SIRPA: variants seen among roughly 807,000 people sequenced by gnomAD.
SIRPA encodes tyrosine-protein phosphatase non-receptor type substrate 1.
Under a neutral mutation model 50.3 loss-of-function variants are expected in SIRPA, and 9 were observed. The ratio of observed to expected loss-of-function variants is 0.18; its 90% confidence interval spans 0.11 to 0.31. SIRPA has a LOEUF of 0.31. Among genes scored for constraint, SIRPA ranks in the 10% least tolerant of loss-of-function variants. SIRPA has a pLI of 1.00. For synonymous variants in SIRPA, 265 were observed against 284.1 expected, an observed-to-expected ratio of 0.93 and a Z score of 0.68; for missense variants, 474 against 661.6, an observed-to-expected ratio of 0.72 and a Z score of 3.11.
intron 1 of SIRPA, among the ~76,000 whole-genome samples, chr20:1,908,804 A>G (rs1162795058): frequency 6.6e-6 from 1 of 152,168 alleles, no homozygotes; most frequent in Non-Finnish European, 1.5e-5. Flanking sequence ...CCTGTACTAT[A>G]TCCTGTGTAC....
intron 1 of SIRPA, among the ~76,000 whole-genome samples, chr20:1,900,343 A>G (rs1416856326): frequency 6.6e-6 from 1 of 151,744 alleles, no homozygotes; most frequent in Non-Finnish European, 1.5e-5. Context: ...CAGGTGATCC[A>G]CCTCCCAAAG....
At chr20:1,913,217 C>T (rs954617062) in intron 1 of SIRPA, among the ~76,000 whole-genome samples, 8 of 152,220 alleles carry the variant, frequency 5.3e-5, no homozygotes, top group Non-Finnish European at 1.0e-4. Context: ...CTTAGGCACT[C>T]TGAGACTCCA....
chr20:1,909,759 G>A (rs1400358456), intron 1 of SIRPA, among the ~76,000 whole-genome samples: 1 of 152,188 alleles, frequency 6.6e-6, no homozygotes. Flanking sequence ...TCCAGCCTGG[G>A]TGATGAGAGT....
At chr20:1,919,382 G>A (rs181505447) in intron 2 of SIRPA, among the ~76,000 whole-genome samples, 14 of 152,168 alleles carry the variant, frequency 9.2e-5, no homozygotes, top group African/African-American at 3.4e-4. Flanking sequence ...TGGAAAAGAT[G>A]GTCCTCTTGG....
chr20:1,899,009 G>A (rs894020602), intron 1 of SIRPA, among the ~76,000 whole-genome samples: 3 of 151,928 alleles, frequency 2.0e-5, no homozygotes, highest in Non-Finnish European at 4.4e-5. Context: ...AGTGTTGTAC[G>A]GATCCCACAC....
intron 6 of SIRPA, among the ~76,000 whole-genome samples, chr20:1,929,458 G>C (rs1454951411): frequency 6.6e-6 from 1 of 152,112 alleles, no homozygotes; most frequent in African/African-American, 2.4e-5. Context: ...CCTGAGTTGG[G>C]GGGTGCAGGT....
chr20:1,930,168 C>T (rs1450520015), intron 6 of SIRPA, among the ~76,000 whole-genome samples: 2 of 152,190 alleles, frequency 1.3e-5, no homozygotes, highest in Non-Finnish European at 2.9e-5. Context: ...AGTGGGACCC[C>T]TCCTGTCACC....
chr20:1,903,577 C>T (rs1174785203), intron 1 of SIRPA, among the ~76,000 whole-genome samples: 1 of 152,204 alleles, frequency 6.6e-6, no homozygotes, highest in Non-Finnish European at 1.5e-5. Flanking sequence ...CATTTCTGGA[C>T]CACGTCTGTC....
At chr20:1,909,774 C>CT (rs1403260102) in intron 1 of SIRPA, among the ~76,000 whole-genome samples, 2 of 152,118 alleles carry the variant, frequency 1.3e-5, no homozygotes, top group Non-Finnish European at 2.9e-5. Flanking sequence ...GAGAGTGAGA[C>CT]TTCGTCTCAA....
At position 1,895,540 on chromosome 20, in the gene SIRPA, C is replaced by A. The variant is rs931948826; in HGVS notation, c.79+14C>A. The A allele has an allele frequency of 7.0e-7, 1 of 1,432,156 alleles. No individual in the cohort carries two copies. Among genetic ancestry groups the A allele is most frequent in the Non-Finnish European group, 9.1e-7 (1 of 1,093,910 alleles). 88.7% of individuals were successfully genotyped at this position (1,432,156 alleles called of 1,614,324 possible). A position where few individuals can be genotyped will look rare whatever the true frequency, so the allele number is the denominator to read the frequency against. ...GCGCCTGGTCAGGTAAGCACCCCCCCGCTCCCCACCGCTGCACTCCCCAAA... is the reference window on the plus strand; with the variant it reads ...GCGCCTGGTCAGGTAAGCACCCCCCAGCTCCCCACCGCTGCACTCCCCAAA... On this transcript the variant is annotated intron_variant, in intron 1 of 7. Transcript: ENST00000358771.
chr20:1,905,886 G>A (rs540344581), intron 1 of SIRPA, among the ~76,000 whole-genome samples: 4 of 152,280 alleles, frequency 2.6e-5, no homozygotes, highest in East Asian at 1.9e-4. Context: ...GCCTGTCCCC[G>A]CTGCCTCCTT....
At chr20:1,909,030 G>A (rs1429684004) in intron 1 of SIRPA, among the ~76,000 whole-genome samples, 5 of 152,196 alleles carry the variant, frequency 3.3e-5, no homozygotes, top group South Asian at 2.1e-4. Context: ...GGCAGCCCCC[G>A]ATGAGGAGCT....
In SIRPA at chr20:1,937,768, C is replaced by G. The variant is rs1045214032; in HGVS notation, c.*200C>G. Reference sequence around the variant, plus strand: ...CCTGGGCAGCCACGGCCCCCTCCCCCCACATTGCCACATACCTGGAGGCTG... The same window carrying G: ...CCTGGGCAGCCACGGCCCCCTCCCCGCACATTGCCACATACCTGGAGGCTG... On this transcript the variant is annotated 3_prime_UTR_variant, in exon 8 of 8. Transcript: ENST00000358771. This position sits in a 1 kb window ranked among gnomAD's most constrained non-coding sequence, Gnocchi z 8.3. 2.5e-4 allele frequency: 162 copies of G among 653,516 alleles called. No homozygotes were observed. Among genetic ancestry groups the G allele is most frequent in the Non-Finnish European group, 3.3e-4 (130 of 390,858 alleles). 40.5% of individuals were successfully genotyped at this position (653,516 alleles called of 1,614,324 possible).
At chr20:1,920,357 A>G (rs893544051) in intron 2 of SIRPA, among the ~76,000 whole-genome samples, 1 of 152,190 alleles carries the variant, frequency 6.6e-6, no homozygotes, top group Non-Finnish European at 1.5e-5. Flanking sequence ...ATATTTACAA[A>G]TGCAAGTATG....
chr20:1,910,277 A>G (rs1466355813), intron 1 of SIRPA, among the ~76,000 whole-genome samples: 3 of 152,198 alleles, frequency 2.0e-5, no homozygotes, highest in East Asian at 3.8e-4. Context: ...TACAGCAAAC[A>G]TATGGTGACC....
rs1190709564 is a variant in SIRPA, at chr20:1,928,424, T to C, written c.1226+525T>C. Among the ~76,000 whole-genome samples, 1 of 152,192 alleles carries C rather than the reference T, an allele frequency of 6.6e-6. No homozygotes were observed. Among genetic ancestry groups the C allele is most frequent in the Non-Finnish European group, 1.5e-5 (1 of 68,030 alleles). ...ACGTCACCGATGGCACTTTAGTTTG[T>C]TGATTCACATTTTTAGTGACTTGAG... On this transcript the variant is annotated intron_variant, in intron 6 of 7. Coordinates refer to ENST00000358771, the MANE Select transcript of SIRPA (RefSeq NM_001040023.2). This position sits in a 1 kb window ranked among gnomAD's most constrained non-coding sequence, Gnocchi z 4.9.
intron 2 of SIRPA, among the ~76,000 whole-genome samples, chr20:1,917,364 A>G (rs1367191795): frequency 1.3e-5 from 2 of 152,266 alleles, no homozygotes; most frequent in African/African-American, 2.4e-5. Flanking sequence ...ACACTCAGCT[A>G]TGCTTGTCAA....
intron 1 of SIRPA, among the ~76,000 whole-genome samples, chr20:1,901,834 C>T (rs1432904463): frequency 2.0e-5 from 3 of 152,120 alleles, no homozygotes; most frequent in Non-Finnish European, 4.4e-5. Context: ...ATCAGGTGCT[C>T]GGATCAGGAG....
intron 6 of SIRPA, among the ~76,000 whole-genome samples, chr20:1,930,889 C>T (rs1384279359): frequency 1.3e-5 from 2 of 152,188 alleles, no homozygotes; most frequent in Non-Finnish European, 2.9e-5. Context: ...TGCGCCCGGC[C>T]CTGTTGTCAT....
Sources: gnomAD v4.1 joint callset for allele counts (sites outside exome capture counted in the v4.1 genomes callset) on GRCh38, gnomAD v4.1.1 for gene constraint, Gnocchi (gnomAD v3.1) non-coding constraint, MANE v1.5 for transcripts, NCBI Gene and HGNC (gene_info 2026-07-23, HGNC 2026-07-21) for gene names.